The following NDRG4 variants were observed in gnomAD, a reference collection of about 807,000 sequenced individuals.
NDRG4 encodes the protein protein NDRG4.
A neutral mutation model predicts 55.8 loss-of-function variants in NDRG4; 38 were observed. The ratio of observed to expected loss-of-function variants is 0.68; its 90% CI spans 0.53 to 0.89. The LOEUF is 0.89. Ranked by LOEUF, NDRG4 falls within the 40% of genes least tolerant of loss-of-function variation. The probability of loss-of-function intolerance (pLI) is 0.00; values close to 1 mark genes in which losing one functional copy is unlikely to be tolerated. For synonymous variants in NDRG4, 190 were observed against 182.7 expected, an observed-to-expected ratio of 1.04 and a Z score of -0.32; for missense variants, 455 against 468.6, an observed-to-expected ratio of 0.97 and a Z score of 0.27.
upstream of NDRG4, among the ~76,000 whole-genome samples, chr16:58,498,131 G>A (rs1170776493): frequency 1.3e-5 from 2 of 152,138 alleles, no homozygotes; most frequent in Non-Finnish European, 2.9e-5. Context: ...GCCACTCAGG[G>A]GTCAGAGGTT....
At chr16:58,495,057 C>T in intron 3 of NDRG4, 1 of 1,593,876 alleles carries the variant, frequency 6.3e-7, no homozygotes, top group Non-Finnish European at 8.6e-7. Context: ...AGCTGGCAGC[C>T]CCTCACCCCA....
intron 2 of NDRG4, among the ~76,000 whole-genome samples, chr16:58,491,223 C>T (rs1597195436): frequency 6.6e-6 from 1 of 152,024 alleles, no homozygotes; most frequent in Non-Finnish European, 1.5e-5. Context: ...TGGCAGTGAG[C>T]CCAGATCTCA....
At chr16:58,510,571 C>T in intron 13 of NDRG4, 74 bp from the exon 14 acceptor site, 4 of 1,305,058 alleles carry the variant, frequency 3.1e-6, no homozygotes, top group Non-Finnish European at 3.2e-6. Context: ...GCCCTTGACT[C>T]AGCGGACCAC....
chr16:58,492,489 CGTGTGTGT>C (rs58901035), intron 2 of NDRG4, among the ~76,000 whole-genome samples: 6,208 of 123,864 alleles, frequency 0.05, 216 homozygotes, highest in African/African-American at 0.064. Flanking sequence ...TCTGCTCCAC[CGTGTGTGT>C]GTGTGTGTGT....
rs953569560 is a variant in NDRG4, at chr16:58,464,496, G to T, written c.-24+699G>T. 8 of 1,306,252 alleles carry T rather than the reference G, an allele frequency of 6.1e-6. No homozygotes were observed. Among genetic ancestry groups the T allele is most frequent in the Non-Finnish European group, 7.8e-6 (8 of 1,026,102 alleles). The allele number at this position is 1,306,252 out of a possible 1,614,324, so 80.9% of individuals were successfully genotyped here. A position where few individuals can be genotyped will look rare whatever the true frequency, so the allele number is the denominator to read the frequency against. On this transcript the variant is annotated intron_variant, in intron 1 of 15. Transcript: ENST00000258187. The surrounding 1 kb of genome is among the most constrained non-coding windows in gnomAD (Gnocchi z 4.8). ...CCGCCCGCCTGCCCCGCAGCCGGCCGCCACTTTCCGAGTTGGAGCGGACTC... is the reference window on the plus strand; with the variant it reads ...CCGCCCGCCTGCCCCGCAGCCGGCCTCCACTTTCCGAGTTGGAGCGGACTC...
chr16:58,490,412 T>A (rs2035641212), intron 2 of NDRG4, among the ~76,000 whole-genome samples: 1 of 152,116 alleles, frequency 6.6e-6, no homozygotes, highest in Admixed American at 6.5e-5. Flanking sequence ...CACCCTTCTC[T>A]GCCTACCCTG....
upstream of NDRG4, chr16:58,499,965 A>G: frequency 4.8e-6 from 3 of 630,326 alleles, no homozygotes; most frequent in Non-Finnish European, 7.7e-6. Context: ...GAGCAGTGAC[A>G]GGGCTGGGGC....
intron 14 of NDRG4, 49 bp downstream of exon 14, chr16:58,510,732 C>T: frequency 1.3e-6 from 2 of 1,502,644 alleles, no homozygotes; most frequent in African/African-American, 1.4e-5. Context: ...GCCTCCTCCT[C>T]CCCCGCTCCT....
chr16:58,474,389 C>T (rs1013866610), intron 1 of NDRG4, among the ~76,000 whole-genome samples: 4 of 152,196 alleles, frequency 2.6e-5, no homozygotes, highest in African/African-American at 9.6e-5. Flanking sequence ...CATGCAGGCG[C>T]CTGCCTCCTG....
rs772063686 is a variant in NDRG4 at position 58,504,604 on chromosome 16, T to G, written c.327T>G (p.Ile109Met). The G allele has an allele frequency of 3.7e-6, 6 of 1,614,152 alleles. No homozygotes were observed. Among genetic ancestry groups the G allele is most frequent in the Non-Finnish European group, 3.4e-6 (4 of 1,180,032 alleles). ...VVQHFGFKYVIGIGVGAGAYV... is the reference protein window; with the variant it reads ...VVQHFGFKYVMGIGVGAGAYV... The stretch of plus-strand genomic sequence containing the variant: ...TCTGCACCAGGTTCAAGTATGTGAT[T>G]GGCATCGGAGTGGGCGCCGGAGCCT... Residue 109 changes from isoleucine to methionine, a missense_variant, in exon 5 of 15, where the codon ATT becomes ATG. By Grantham distance (10) the Ile-to-Met change is conservative. Coordinates refer to ENST00000570248, the MANE Select transcript of NDRG4 (RefSeq NM_001242835.2).
At chr16:58,491,310 G>A (rs1217147327) in intron 2 of NDRG4, among the ~76,000 whole-genome samples, 1 of 152,014 alleles carries the variant, frequency 6.6e-6, no homozygotes. Flanking sequence ...ACCCGACACA[G>A]CCTCCTGGAT....
rs539680193 is a variant in NDRG4, at chr16:58,501,152, T to C, written c.21+883T>C. On this transcript the variant is annotated intron_variant, in intron 1 of 14. Coordinates refer to ENST00000570248, the MANE Select transcript of NDRG4 (RefSeq NM_001242835.2). ...CCCCCACCCCCGGGCCCCACACGCC[T>C]GCCCTGCCGGTTCCGCAGACGATAG... The C allele has an allele frequency of 7.2e-4, 753 of 1,044,268 alleles. 4 individuals carry two copies. The African/African-American group carries it at 0.011, about 16-fold the overall frequency. 64.7% of individuals were successfully genotyped at this position (1,044,268 alleles called of 1,614,324 possible). A position where few individuals can be genotyped will look rare whatever the true frequency, so the allele number is the denominator to read the frequency against.
At chr16:58,487,914 G>A (rs1202057011) in intron 2 of NDRG4, 2 of 1,283,966 alleles carry the variant, frequency 1.6e-6, no homozygotes, top group Non-Finnish European at 2.1e-6. Context: ...CCAAGAGGGA[G>A]ACCGCGTGCC....
intron 1 of NDRG4, among the ~76,000 whole-genome samples, chr16:58,466,235 C>A (rs1181913938): frequency 6.6e-6 from 1 of 152,208 alleles, no homozygotes; most frequent in East Asian, 1.9e-4. Flanking sequence ...AGGCTGGTCT[C>A]GAACTTCTGA....
At chr16:58,478,550 G>A (rs761351531) in intron 1 of NDRG4, among the ~76,000 whole-genome samples, 9 of 152,198 alleles carry the variant, frequency 5.9e-5, no homozygotes, top group African/African-American at 9.6e-5. Flanking sequence ...ATATATGTAC[G>A]TTCTGTATAT....
intron 8 of NDRG4, chr16:58,507,562 T>C (rs1488822086): frequency 1.8e-6 from 1 of 543,962 alleles, no homozygotes; most frequent in African/African-American, 1.9e-5. Context: ...GACAGGCCAG[T>C]AGCAGAAACT....
chr16:58,509,412 G>C, intron 13 of NDRG4, 60 bp downstream of exon 13: 1 of 1,574,406 alleles, frequency 6.4e-7, no homozygotes, highest in Admixed American at 1.7e-5. Context: ...GCAGTGCTGG[G>C]GTTGGGGCTC....
At position 58,464,182 on chromosome 16, in the gene NDRG4, G is replaced by C. The variant is rs1032742426; in HGVS notation, c.-24+385G>C. On this transcript the variant is annotated intron_variant, in intron 1 of 15. Coordinates refer to the NDRG4 transcript ENST00000258187. This position sits in a 1 kb window ranked among gnomAD's most constrained non-coding sequence, Gnocchi z 4.8. ...TCCTCCGCCTCCTGGAGTTCACCGG[G>C]ACCAGGTGGCGGCGGGTGCCTTTTT... The C allele has an allele frequency of 2.6e-6, 1 of 381,080 alleles. No individual in the cohort carries two copies. Among genetic ancestry groups the C allele is most frequent in the African/African-American group, 2.1e-5 (1 of 47,824 alleles). 23.6% of individuals were successfully genotyped at this position (381,080 alleles called of 1,614,324 possible).
rs549916132 is a variant in NDRG4, at chr16:58,464,053, C to T, written c.-24+256C>T. The T allele has an allele frequency of 2.0e-4, 39 of 199,998 alleles. No individual in the cohort carries two copies. The highest frequency in any genetic ancestry group is 9.0e-4 in the African/African-American group (39 of 43,318). 12.4% of individuals were successfully genotyped at this position (199,998 alleles called of 1,614,324 possible). On this transcript the variant is annotated intron_variant, in intron 1 of 15. Coordinates refer to the NDRG4 transcript ENST00000258187. The surrounding 1 kb of genome is among the most constrained non-coding windows in gnomAD (Gnocchi z 4.8). ...GCGCTGGGGACCCCCAGCCGCCGTC[C>T]GCGACCCCCCACCGCGACGCCCGGA...
Sources: gnomAD v4.1 joint callset for allele counts (sites outside exome capture counted in the v4.1 genomes callset) on GRCh38, gnomAD v4.1.1 for gene constraint, Gnocchi (gnomAD v3.1) non-coding constraint, MANE v1.5 for transcripts, NCBI Gene and HGNC (gene_info 2026-07-23, HGNC 2026-07-21) for gene names.